Variants in ADAMTSL1 observed in about 807,000 individuals in gnomAD.
ADAMTSL1 encodes the protein ADAMTS-like protein 1.
A neutral mutation model predicts 201.8 loss-of-function variants in ADAMTSL1; 126 were observed. The ratio of observed to expected loss-of-function variants is 0.62; its 90% CI spans 0.54 to 0.72. ADAMTSL1 has a LOEUF of 0.72. ADAMTSL1 is among the 30% of genes least tolerant of loss of function. The pLI is 0.00. For missense variants in ADAMTSL1, 2,679 were observed against 2,277.8 expected, an observed-to-expected ratio of 1.18 and a Z score of -3.59; for synonymous variants, 1,121 against 903.4, an observed-to-expected ratio of 1.24 and a Z score of -4.32.
intron 20 of ADAMTSL1, among the ~76,000 whole-genome samples, chr9:18,797,691 G>C (rs192290181): frequency 6.2e-4 from 95 of 152,278 alleles, no homozygotes; most frequent in Non-Finnish European, 1.2e-3. Flanking sequence ...CTTGGACAAA[G>C]TATATAACCT....
chr9:18,440,235 A>G (rs902334339), intron 2 of ADAMTSL1, among the ~76,000 whole-genome samples: 1 of 152,148 alleles, frequency 6.6e-6, no homozygotes. Flanking sequence ...GGAAACACAC[A>G]CTAGAACCAG....
At chr9:18,534,052 A>G (rs1448336871) in intron 3 of ADAMTSL1, among the ~76,000 whole-genome samples, 3 of 152,208 alleles carry the variant, frequency 2.0e-5, no homozygotes, top group Non-Finnish European at 4.4e-5. Flanking sequence ...ATAAAAGAGA[A>G]GAATTGAAAT....
At chr9:18,859,322 A>G (rs905000030) in intron 23 of ADAMTSL1, among the ~76,000 whole-genome samples, 5 of 152,220 alleles carry the variant, frequency 3.3e-5, no homozygotes, top group Non-Finnish European at 7.3e-5. Flanking sequence ...CAAGAATGGC[A>G]GCATAGCATC....
chr9:18,889,230 A>G (rs1047693607), intron 24 of ADAMTSL1, among the ~76,000 whole-genome samples: 5 of 152,230 alleles, frequency 3.3e-5, no homozygotes, highest in African/African-American at 7.2e-5. Flanking sequence ...ACTGTAGCCA[A>G]TATCTTTAAA....
At chr9:18,162,185 G>T (rs1467989518) in intron 1 of ADAMTSL1, among the ~76,000 whole-genome samples, 1 of 151,978 alleles carries the variant, frequency 6.6e-6, no homozygotes, top group African/African-American at 2.4e-5. Context: ...TCCTTCTCAT[G>T]CTTCCTACAT....
At chr9:18,636,991 A>C (rs1827147262) in intron 6 of ADAMTSL1, among the ~76,000 whole-genome samples, 1 of 152,160 alleles carries the variant, frequency 6.6e-6, no homozygotes, top group Non-Finnish European at 1.5e-5. Context: ...AAATCACGCT[A>C]AAAAGGCAAA....
chr9:18,050,473 C>G (rs2131664570), intron 1 of ADAMTSL1, among the ~76,000 whole-genome samples: 1 of 152,264 alleles, frequency 6.6e-6, no homozygotes. Flanking sequence ...AATCTAGCAT[C>G]AATTCAGATG....
chr9:17,964,414 G>A lies in ADAMTSL1; in HGVS notation c.87+57492G>A, dbSNP rs146706510. Among the ~76,000 whole-genome samples, 87 of 152,204 alleles carry A rather than the reference G, an allele frequency of 5.7e-4. No individual in the cohort carries two copies. In the East Asian group the frequency reaches 0.012, roughly 21 times the overall value. ...ATTCTTGAAGTGACAAAATTATAGC[G>A]ATGAAAACAAATTAGTGGTAGCCAG... On this transcript the variant is annotated intron_variant, in intron 1 of 29. Coordinates refer to the ADAMTSL1 transcript ENST00000680146.
Position 18,581,636 on chromosome 9 carries a change from A to G in ADAMTSL1, c.474+7370A>G, listed in dbSNP as rs117840949. On this transcript the variant is annotated intron_variant, in intron 4 of 28. Transcript: ENST00000380548. ...ACATCATTTGTCTCCATCTGTGCAC[A>G]TTTGAAACCAAAAATAAGTTATCTG... Among the ~76,000 whole-genome samples, 505 of 152,346 alleles carry G rather than the reference A, an allele frequency of 3.3e-3. 2 individuals carry two copies. The highest frequency in any genetic ancestry group is 5.9e-3 in the Admixed American group (91 of 15,300).
At chr9:18,466,800 G>A (rs2131731227) in intron 2 of ADAMTSL1, among the ~76,000 whole-genome samples, 1 of 151,966 alleles carries the variant, frequency 6.6e-6, no homozygotes, top group Admixed American at 6.6e-5. Context: ...GTTCATGTTA[G>A]CAAATATAAC....
intron 23 of ADAMTSL1, among the ~76,000 whole-genome samples, chr9:18,844,174 T>G (rs1825930297): frequency 6.6e-6 from 1 of 152,190 alleles, no homozygotes; most frequent in Admixed American, 6.5e-5. Flanking sequence ...TTTTATCTAC[T>G]TTTGGTCTTT....
chr9:18,658,867 A>G (rs1349298035), intron 8 of ADAMTSL1, among the ~76,000 whole-genome samples: 2 of 152,288 alleles, frequency 1.3e-5, no homozygotes, highest in African/African-American at 4.8e-5. Flanking sequence ...TCTCTTTTCA[A>G]ATTATTTTCT....
At chr9:18,899,140 C>A (rs1829846070) in intron 26 of ADAMTSL1, among the ~76,000 whole-genome samples, 1 of 152,048 alleles carries the variant, frequency 6.6e-6, no homozygotes, top group African/African-American at 2.4e-5. Context: ...GCTGGCATTC[C>A]TATACACCAA....
chr9:18,542,841 A>T (rs1820233106), intron 3 of ADAMTSL1, among the ~76,000 whole-genome samples: 1 of 152,190 alleles, frequency 6.6e-6, no homozygotes, highest in East Asian at 1.9e-4. Flanking sequence ...TGAAAATTAG[A>T]TCACTTTGAA....
chr9:18,078,669 C>T (rs541213652), intron 1 of ADAMTSL1, among the ~76,000 whole-genome samples: 3 of 152,264 alleles, frequency 2.0e-5, no homozygotes, highest in South Asian at 4.2e-4. Context: ...TTCTAAGCCC[C>T]TCCAATCGTA....
chr9:18,644,475 G>A (rs1827655227), intron 7 of ADAMTSL1, among the ~76,000 whole-genome samples: 1 of 151,918 alleles, frequency 6.6e-6, no homozygotes, highest in Admixed American at 6.6e-5. Context: ...GCATGCTGGT[G>A]TGCTGCACCC....
intron 7 of ADAMTSL1, 58 bp from the exon 8 acceptor site, chr9:18,657,581 A>G: frequency 2.2e-6 from 3 of 1,335,072 alleles, no homozygotes; most frequent in South Asian, 1.2e-5. Context: ...CGAAGCTGCA[A>G]GGGACCAGAA....
intron 14 of ADAMTSL1, among the ~76,000 whole-genome samples, chr9:18,716,968 C>G (rs990603189): frequency 7.5e-6 from 1 of 134,156 alleles, no homozygotes; most frequent in Admixed American, 7.7e-5. Context: ...AATCATCATT[C>G]TCAGTAAACT....
chr9:18,409,383 C>CAAAAAAA (rs781106126), intron 2 of ADAMTSL1, among the ~76,000 whole-genome samples: 16 of 77,108 alleles, frequency 2.1e-4, no homozygotes, highest in South Asian at 9.5e-4. Context: ...AACTCCGTCT[C>CAAAAAAA]AAAAAAAAAA....
Sources: allele counts gnomAD v4.1 joint callset (sites outside exome capture counted in the v4.1 genomes callset), GRCh38; gene constraint gnomAD v4.1.1; transcripts MANE v1.5; gene names NCBI Gene and HGNC (gene_info 2026-07-23, HGNC 2026-07-21).